MYMK: variants seen among roughly 807,000 people sequenced by gnomAD.
MYMK encodes the protein myomaker, myoblast fusion factor.
In MYMK, 16 loss-of-function variants were observed where a neutral mutation model predicts 22.4. The ratio of observed to expected loss-of-function variants is 0.72; its 90% CI spans 0.48 to 1.09. The LOEUF (loss-of-function observed/expected upper bound fraction) is 1.09. MYMK is among the 50% of genes least tolerant of loss of function. The pLI is 0.00. For synonymous variants in MYMK, 125 were observed against 127.0 expected, an observed-to-expected ratio of 0.98 and a Z score of 0.11; for missense variants, 250 against 295.6, an observed-to-expected ratio of 0.85 and a Z score of 1.13.
At chr9:133,522,341 G>A (rs1410273075) in intron 1 of MYMK, among the ~76,000 whole-genome samples, 2 of 131,214 alleles carry the variant, frequency 1.5e-5, no homozygotes, top group African/African-American at 5.7e-5. Flanking sequence ...GTGAGTGGCT[G>A]TCGGGGGGGG....
chr9:133,519,046 G>A (rs1293618671), intron 2 of MYMK, 24 bp from the exon 3 acceptor site: 4 of 1,612,832 alleles, frequency 2.5e-6, no homozygotes, highest in South Asian at 1.1e-5. Context: ...GGAGACACAG[G>A]GGGAGGTGAG....
chr9:133,520,997 G>C (rs1156625873), intron 1 of MYMK, among the ~76,000 whole-genome samples: 2 of 152,176 alleles, frequency 1.3e-5, no homozygotes, highest in Non-Finnish European at 2.9e-5. Context: ...CACACTGAGA[G>C]CCGGGCTGTA....
chr9:133,517,380 G>C (rs1049816802), intron 3 of MYMK, among the ~76,000 whole-genome samples: 2 of 152,248 alleles, frequency 1.3e-5, no homozygotes, highest in East Asian at 1.9e-4. Context: ...AAAAAGTCAA[G>C]TCCAGCCAGG....
chr9:133,517,924 G>C (rs1339629722), intron 3 of MYMK, among the ~76,000 whole-genome samples: 1 of 152,232 alleles, frequency 6.6e-6, no homozygotes, highest in Non-Finnish European at 1.5e-5. Context: ...GCTCTGGCCG[G>C]GGCTGGCAGT....
intron 1 of MYMK, among the ~76,000 whole-genome samples, chr9:133,521,279 G>C (rs532000726): frequency 6.6e-6 from 1 of 152,210 alleles, no homozygotes; most frequent in East Asian, 1.9e-4. Context: ...TAATTATTTT[G>C]ACAGGTTCAA....
intron 3 of MYMK, among the ~76,000 whole-genome samples, chr9:133,517,186 G>T (rs1026761172): frequency 2.6e-5 from 4 of 152,178 alleles, no homozygotes; most frequent in Non-Finnish European, 4.4e-5. Context: ...GGAGGCGAGA[G>T]GCGGGTGGCC....
chr9:133,517,591 G>T (rs370442059), intron 3 of MYMK, among the ~76,000 whole-genome samples: 1 of 151,748 alleles, frequency 6.6e-6, no homozygotes, highest in South Asian at 2.1e-4. Context: ...GCTTCAACCC[G>T]GGAGGCGGAG....
At chr9:133,518,377 C>T (rs912859899) in intron 3 of MYMK, among the ~76,000 whole-genome samples, 1 of 152,146 alleles carries the variant, frequency 6.6e-6, no homozygotes, top group Non-Finnish European at 1.5e-5. Flanking sequence ...GAACCAAGCT[C>T]GAGGCTCACT....
chr9:133,518,782 G>A (rs1480276037), intron 3 of MYMK, 92 bp downstream of exon 3: 11 of 1,504,766 alleles, frequency 7.3e-6, no homozygotes, highest in Non-Finnish European at 8.9e-6. Context: ...GAGGGCAGGA[G>A]GTAAATGAAG....
chr9:133,524,014 G>A (rs1008538328), intron 1 of MYMK, among the ~76,000 whole-genome samples: 1 of 152,052 alleles, frequency 6.6e-6, no homozygotes, highest in African/African-American at 2.4e-5. Context: ...AGGACAGATG[G>A]GGTTCTGGGC....
Position 133,514,715 on chromosome 9 carries a change from G to T in MYMK, c.587C>A (p.Pro196His). The change falls in exon 5 of 5, where the codon CCC becomes CAC. Residue 196 changes from proline (P) to histidine (H), a missense_variant. Transcript: ENST00000339996. ...GGATCCAGCCTTCTTGTTGACCTTG[G>T]GCAGCAGCAGAACAAAGGACATAGC... Reference protein sequence around the residue: ...ALAMSFVLLLPKVNKKAGSPG... With the variant: ...ALAMSFVLLLHKVNKKAGSPG... 6.2e-7 allele frequency: 1 copy of T among 1,614,078 alleles called. No homozygotes were observed. The highest frequency in any genetic ancestry group is 1.1e-5 in the South Asian group (1 of 91,084).
At position 133,524,836 on chromosome 9, in the gene MYMK, C is replaced by A; in HGVS notation, c.9G>T (p.Thr3=). The A allele has an allele frequency of 1.2e-6, 2 of 1,609,826 alleles. No homozygotes were observed. Among genetic ancestry groups the A allele is most frequent in the Admixed American group, 3.3e-5 (2 of 59,746 alleles). Residue 3 remains threonine, a synonymous_variant, in exon 1 of 5, where the codon ACG becomes ACT. Coordinates refer to ENST00000339996, the MANE Select transcript of MYMK (RefSeq NM_001080483.3). MG[T]LVAKLLLPTL... Reference sequence around the variant, plus strand: ...TGGGCAGGAGCAGCTTGGCCACCAGCGTCCCCATGGGCCAGGAGGAAAGCA... The same window carrying A: ...TGGGCAGGAGCAGCTTGGCCACCAGAGTCCCCATGGGCCAGGAGGAAAGCA...
Position 133,516,195 on chromosome 9 carries a change from T to C in MYMK, c.400-588A>G, listed in dbSNP as rs1247575001. On this transcript the variant is annotated intron_variant, in intron 3 of 4. Coordinates refer to ENST00000339996, the MANE Select transcript of MYMK (RefSeq NM_001080483.3). ...AGAGGGGTTTGCATTCCGAGGAAGA[T>C]GCGGGAAGTGTGGGGCCACATCCCT... Among the ~76,000 whole-genome samples, 4 of 152,360 alleles carry C rather than the reference T, an allele frequency of 2.6e-5. No individual in the cohort carries two copies. In the East Asian group the frequency reaches 5.8e-4, roughly 22 times the overall value.
At chr9:133,522,132 A>G (rs1217493034) in intron 1 of MYMK, among the ~76,000 whole-genome samples, 2 of 152,234 alleles carry the variant, frequency 1.3e-5, no homozygotes, top group African/African-American at 2.4e-5. Flanking sequence ...GGGAAAGTGA[A>G]CTTCAGAGCA....
chr9:133,523,324 G>A (rs925865667), intron 1 of MYMK, among the ~76,000 whole-genome samples: 1 of 152,242 alleles, frequency 6.6e-6, no homozygotes, highest in Non-Finnish European at 1.5e-5. Context: ...AGGCCCTGCT[G>A]CTGGAGAAGG....
At chr9:133,519,952 T>C (rs573008301) in intron 2 of MYMK, among the ~76,000 whole-genome samples, 2 of 152,344 alleles carry the variant, frequency 1.3e-5, no homozygotes, top group Non-Finnish European at 2.9e-5. Flanking sequence ...AAATGAGTCA[T>C]TTTAAAAGGA....
intron 2 of MYMK, among the ~76,000 whole-genome samples, chr9:133,519,860 G>A (rs13288072): frequency 6.6e-6 from 1 of 152,208 alleles, no homozygotes; most frequent in Non-Finnish European, 1.5e-5. Context: ...GTCCTCCCAG[G>A]GAAGGAGTGA....
chr9:133,521,720 G>T (rs1844705361), intron 1 of MYMK, among the ~76,000 whole-genome samples: 1 of 152,218 alleles, frequency 6.6e-6, no homozygotes, highest in African/African-American at 2.4e-5. Context: ...GGAGGGGCCT[G>T]ATCAAGGTGC....
At chr9:133,522,294 G>T (rs1438548415) in intron 1 of MYMK, among the ~76,000 whole-genome samples, 1 of 150,476 alleles carries the variant, frequency 6.6e-6, no homozygotes, top group Non-Finnish European at 1.5e-5. Context: ...CAGGCTCGGG[G>T]AGTCTGACTT....
Sources: gnomAD v4.1 joint callset for allele counts (sites outside exome capture counted in the v4.1 genomes callset) on GRCh38, gnomAD v4.1.1 for gene constraint, MANE v1.5 for transcripts, NCBI Gene and HGNC (gene_info 2026-07-23, HGNC 2026-07-21) for gene names.